The following TRAM1 variants were observed in gnomAD, a reference collection of about 807,000 sequenced individuals.
TRAM1 encodes translocating chain-associated membrane protein 1.
In TRAM1, 17 loss-of-function variants were observed where a neutral mutation model predicts 48.7. The ratio of observed to expected loss-of-function variants is 0.35; its 90% CI spans 0.24 to 0.52. The LOEUF is 0.52. Ranked by LOEUF, TRAM1 falls within the 20% of genes least tolerant of loss-of-function variation. The pLI, the probability that TRAM1 is intolerant of heterozygous loss-of-function variation, is 0.94. For missense variants in TRAM1, 351 were observed against 441.5 expected, an observed-to-expected ratio of 0.79 and a Z score of 1.84; for synonymous variants, 182 against 154.0, an observed-to-expected ratio of 1.18 and a Z score of -1.34.
chr8:70,598,584 C>CT (rs1392870072), intron 2 of TRAM1, among the ~76,000 whole-genome samples: 2 of 152,184 alleles, frequency 1.3e-5, no homozygotes, highest in Admixed American at 6.5e-5. Flanking sequence ...TAAAGTTATA[C>CT]TTAGCCTACT....
rs555304525 is a variant in TRAM1 at position 70,594,668 on chromosome 8, AG to A, written c.486-79del. 8.9e-5 allele frequency: 102 copies of A among 1,146,618 alleles called. 1 individual carries two copies. The African/African-American group carries it at 1.4e-3, about 16-fold the overall frequency. 71.0% of individuals were successfully genotyped at this position (1,146,618 alleles called of 1,614,324 possible). A position where few individuals can be genotyped will look rare whatever the true frequency, so the allele number is the denominator to read the frequency against. ...AAAAAGTAAACAAATACTGGAAATC[AG>A]GATATACTAAGTAACTACCTTTGTG... On this transcript the variant is annotated intron_variant, in intron 5 of 10. Transcript: ENST00000262213.
chr8:70,601,251 G>C (rs1586765591), intron 1 of TRAM1, among the ~76,000 whole-genome samples: 1 of 152,126 alleles, frequency 6.6e-6, no homozygotes, highest in East Asian at 1.9e-4. Flanking sequence ...AGGAGAATGT[G>C]ACCATAGGAC....
At chr8:70,603,872 A>T (rs1817663022) in intron 1 of TRAM1, among the ~76,000 whole-genome samples, 1 of 113,266 alleles carries the variant, frequency 8.8e-6, no homozygotes, top group Non-Finnish European at 1.8e-5. Context: ...GTTTAAATAG[A>T]AGAAGAAGAG....
At chr8:70,591,920 TAAA>T (rs567826128) in intron 6 of TRAM1, among the ~76,000 whole-genome samples, 1 of 151,684 alleles carries the variant, frequency 6.6e-6, no homozygotes, top group Non-Finnish European at 1.5e-5. Flanking sequence ...GTCATCAGAT[TAAA>T]AAAAAGTGGT....
Position 70,608,160 on chromosome 8 carries a change from G to A in TRAM1, c.40C>T (p.Leu14=). The A allele has an allele frequency of 6.3e-7, 1 of 1,595,642 alleles. No individual in the cohort carries two copies. The highest frequency in any genetic ancestry group is 8.5e-7 in the Non-Finnish European group (1 of 1,172,342). The change falls in exon 1 of 11, where the codon CTG becomes TTG. Residue 14 remains leucine, a synonymous_variant. Transcript: ENST00000262213. ...RKKSTKSPPV[L]SHEFVLQNHA... ...TTCTGCAGGACGAATTCGTGGCTCA[G>A]CACTGGGGGGCTCTTGGTGCTTTTC...
In TRAM1 at chr8:70,587,290, A is replaced by G. The variant is rs1262761824; in HGVS notation, c.571-114T>C. 6.2e-6 allele frequency: 6 copies of G among 968,222 alleles called. No individual in the cohort carries two copies. In the African/African-American group the frequency reaches 9.8e-5, roughly 16 times the overall value. The allele number at this position is 968,222 out of a possible 1,614,324, so 60.0% of individuals were successfully genotyped here. ...TTGGTCTCAAAACCTTGGACTCAAG[A>G]GAACCCCCAACCTTGGCCTTCCAAA... On this transcript the variant is annotated intron_variant, in intron 6 of 10. Transcript: ENST00000262213.
At chr8:70,600,137 C>T in intron 1 of TRAM1, 55 bp from the exon 2 acceptor site, 1 of 1,409,350 alleles carries the variant, frequency 7.1e-7, no homozygotes, top group Non-Finnish European at 1.0e-6. Flanking sequence ...TCCCAAATAA[C>T]AGATCGGGGC....
At chr8:70,603,320 A>ACAC (rs1554535790) in intron 1 of TRAM1, among the ~76,000 whole-genome samples, 4 of 151,710 alleles carry the variant, frequency 2.6e-5, no homozygotes, top group African/African-American at 9.7e-5. Context: ...ACACACACAC[A>ACAC]CACACACACA....
intron 1 of TRAM1, among the ~76,000 whole-genome samples, chr8:70,604,922 C>T (rs576852665): frequency 2.3e-4 from 35 of 152,286 alleles, no homozygotes; most frequent in African/African-American, 8.4e-4. Flanking sequence ...TTTTTCCTAA[C>T]TCAAATATGA....
At chr8:70,607,043 G>T in intron 1 of TRAM1, 1 of 890,806 alleles carries the variant, frequency 1.1e-6, no homozygotes, top group Non-Finnish European at 1.3e-6. Flanking sequence ...ATGCAGGAGA[G>T]AGGAGACAAA....
intron 2 of TRAM1, among the ~76,000 whole-genome samples, chr8:70,598,504 A>T (rs111271464): frequency 1.5e-4 from 23 of 152,164 alleles, no homozygotes; most frequent in African/African-American, 5.3e-4. Flanking sequence ...GCCACCAAAG[A>T]CCAAAAAACA....
chr8:70,583,358 TA>T, intron 9 of TRAM1, 34 bp from the exon 10 acceptor site: 3 of 1,593,888 alleles, frequency 1.9e-6, no homozygotes, highest in Non-Finnish European at 2.6e-6. Flanking sequence ...AGTTAGTGTA[TA>T]AAAAACAATG....
chr8:70,602,427 T>C (rs1318325369), intron 1 of TRAM1, among the ~76,000 whole-genome samples: 2 of 152,168 alleles, frequency 1.3e-5, no homozygotes, highest in Non-Finnish European at 2.9e-5. Flanking sequence ...GAATAACGGA[T>C]GGAGGCATAT....
chr8:70,595,964 T>C (rs1817477828), intron 5 of TRAM1, among the ~76,000 whole-genome samples: 1 of 151,356 alleles, frequency 6.6e-6, no homozygotes, highest in Non-Finnish European at 1.5e-5. Context: ...ATAGAGAAGA[T>C]GGAGTCATAA....
intron 1 of TRAM1, among the ~76,000 whole-genome samples, chr8:70,603,439 A>G (rs1219024885): frequency 1.3e-5 from 2 of 152,140 alleles, no homozygotes; most frequent in African/African-American, 4.8e-5. Flanking sequence ...TTTACAGGCC[A>G]GGTGTGATGG....
chr8:70,606,946 A>G (rs1336176853), intron 1 of TRAM1: 1 of 983,798 alleles, frequency 1.0e-6, no homozygotes, highest in Non-Finnish European at 1.2e-6. Context: ...ATCTTTTTTT[A>G]AGCACTCCTA....
chr8:70,583,741 GAATTA>G lies in TRAM1; in HGVS notation c.794_798del (p.Leu265SerfsTer31). ...CCAAAACCAACAGTCAGTACTGAAAGAATTAAAGTCAGAAGTCTTCCCAAAACAAA... is the reference window on the plus strand; with the variant it reads ...CCAAAACCAACAGTCAGTACTGAAAGAAGTCAGAAGTCTTCCCAAAACAAA... On this transcript the variant is annotated frameshift_variant, in exon 9 of 11. Transcript: ENST00000262213. LOFTEE classifies it high-confidence loss of function. The G allele has an allele frequency of 6.2e-7, 1 of 1,602,218 alleles. No individual in the cohort carries two copies. The highest frequency in any genetic ancestry group is 8.5e-7 in the Non-Finnish European group (1 of 1,176,038).
intron 8 of TRAM1, among the ~76,000 whole-genome samples, chr8:70,585,662 C>A (rs1220853957): frequency 1.4e-5 from 2 of 139,426 alleles, no homozygotes; most frequent in East Asian, 4.1e-4. Flanking sequence ...CCAAAAAACA[C>A]ATGAAAAAAT....
chr8:70,587,448 G>A (rs982855062), intron 6 of TRAM1: 1 of 340,468 alleles, frequency 2.9e-6, no homozygotes, highest in African/African-American at 2.1e-5. Flanking sequence ...TCCTCAATTA[G>A]GTATATAGCA....
Sources: gnomAD v4.1 joint callset for allele counts (sites outside exome capture counted in the v4.1 genomes callset) on GRCh38, gnomAD v4.1.1 for gene constraint, MANE v1.5 for transcripts, NCBI Gene and HGNC (gene_info 2026-07-23, HGNC 2026-07-21) for gene names.